The following CPAMD8 variants were observed in gnomAD, a reference collection of about 807,000 sequenced individuals.
The protein encoded by CPAMD8 is C3 and PZP like alpha-2-macroglobulin domain containing 8.
A neutral mutation model predicts 224.7 loss-of-function variants in CPAMD8; 146 were observed. That is an observed-to-expected ratio of 0.65 (90% CI 0.57 to 0.75). The LOEUF (loss-of-function observed/expected upper bound fraction) is 0.75, where lower values mean the gene tolerates loss of function less well. Ranked by LOEUF, CPAMD8 falls within the 30% of genes least tolerant of loss-of-function variation. The pLI is 0.00. For missense variants in CPAMD8, 2,301 were observed against 2,537.5 expected (o/e 0.91, Z 2.00); for synonymous variants, 966 against 1,044.6 (o/e 0.92, Z 1.45).
intron 13 of CPAMD8, among the ~76,000 whole-genome samples, chr19:16,987,174 A>T (rs2055759723): frequency 3.1e-5 from 3 of 96,810 alleles, no homozygotes; most frequent in African/African-American, 4.8e-5. Context: ...AAAAAAAAAA[A>T]AAAAAATATA....
intron 29 of CPAMD8, among the ~76,000 whole-genome samples, chr19:16,909,451 G>T (rs955930886): frequency 6.6e-6 from 1 of 152,128 alleles, no homozygotes; most frequent in Non-Finnish European, 1.5e-5. Flanking sequence ...GGCTGAGGTG[G>T]AAGAATGGCA....
intron 1 of CPAMD8, among the ~76,000 whole-genome samples, chr19:17,022,985 G>A (rs1322299602): frequency 6.6e-6 from 1 of 152,066 alleles, no homozygotes; most frequent in African/African-American, 2.4e-5. Flanking sequence ...CAAGTCACCA[G>A]CCGCAACAGT....
At chr19:16,948,082 G>T (rs1047435197) in intron 20 of CPAMD8, among the ~76,000 whole-genome samples, 2 of 152,204 alleles carry the variant, frequency 1.3e-5, no homozygotes, top group Admixed American at 1.3e-4. Flanking sequence ...CAGGGTGTGT[G>T]CATGTGCATT....
chr19:16,954,342 AAAAAAGAAAAGAAAG>A (rs1305188003), intron 19 of CPAMD8, among the ~76,000 whole-genome samples: 6 of 151,894 alleles, frequency 4.0e-5, no homozygotes, highest in African/African-American at 1.4e-4. Context: ...CAAAAAAAAA[AAAAAAGAAAAGAAAG>A]AAAAAGAGAA....
chr19:16,893,220 A>C lies in CPAMD8; in HGVS notation c.5546T>G (p.Val1849Gly), dbSNP rs1599632602. 1 of 1,588,190 alleles carries C rather than the reference A, an allele frequency of 6.3e-7. No homozygotes were observed. Among genetic ancestry groups the C allele is most frequent in the Non-Finnish European group, 8.6e-7 (1 of 1,165,766 alleles). ...TPAPQRHSGR[V>G]VGAHRPGLLS... ...AAGCCCTGGCCTGTGGGCCCCCACC[A>C]CCCGGCCACTATGTCTCTGAGGGGC... The change falls in exon 42 of 42, where the codon GTG becomes GGG. Residue 1849 changes from valine to glycine, a missense_variant. Physicochemically the swap from Val to Gly is moderately radical, Grantham distance 109 (BLOSUM62 -3). This residue lies in a region of CPAMD8 where 1,709 missense variants were observed against 1,753.2 expected (regional missense o/e 0.97). Transcript: ENST00000443236.
chr19:16,913,730 G>T, intron 29 of CPAMD8, among the ~76,000 whole-genome samples: 1 of 152,100 alleles, frequency 6.6e-6, no homozygotes, highest in East Asian at 1.9e-4. Flanking sequence ...GCATGGTGGG[G>T]GCGGTCTTAG....
At position 16,993,441 on chromosome 19, in the gene CPAMD8, G is replaced by T; in HGVS notation, c.1241C>A (p.Thr414Lys). ...CTCCAGCCACACGTGCTGGGCTGAC[G>T]TGGGGATGGAGGGGATTTCAAACCC... The part of the protein sequence containing the change: ...LVGFEIPSIP[T>K]SAQHVWLETK... Residue 414 changes from threonine to lysine, a missense_variant, in exon 12 of 42, where the codon ACG (threonine) becomes AAG (lysine). By Grantham distance (78) the Thr-to-Lys change is moderately conservative. This residue lies in a region of CPAMD8 where 301 missense variants were observed against 406.6 expected (regional missense o/e 0.74). Transcript: ENST00000443236. 1 of 1,613,700 alleles carries T rather than the reference G, an allele frequency of 6.2e-7. No homozygotes were observed. The highest frequency in any genetic ancestry group is 1.3e-5 in the African/African-American group (1 of 75,048).
At chr19:16,973,500 C>T (rs1475039911) in intron 17 of CPAMD8, among the ~76,000 whole-genome samples, 1 of 151,962 alleles carries the variant, frequency 6.6e-6, no homozygotes, top group African/African-American at 2.4e-5. Flanking sequence ...AGGCGCCCAC[C>T]ACCACACCCA....
intron 20 of CPAMD8, among the ~76,000 whole-genome samples, chr19:16,949,613 G>A (rs2054235397): frequency 6.6e-6 from 1 of 152,104 alleles, no homozygotes; most frequent in Admixed American, 6.6e-5. Context: ...GACAATGGCA[G>A]GAGCCTCTGA....
chr19:16,919,281 G>A (rs560602933), intron 27 of CPAMD8, among the ~76,000 whole-genome samples: 13 of 152,210 alleles, frequency 8.5e-5, no homozygotes, highest in East Asian at 5.8e-4. Context: ...GTAACAAAAG[G>A]CGCTATGGCA....
chr19:16,903,978 C>A, intron 32 of CPAMD8, 121 bp from the exon 33 acceptor site: 2 of 1,058,178 alleles, frequency 1.9e-6, no homozygotes, highest in Non-Finnish European at 1.4e-6. Flanking sequence ...AGAGACTGGA[C>A]CCAGTGCAGA....
At chr19:16,965,060 A>T (rs1315956062) in intron 18 of CPAMD8, among the ~76,000 whole-genome samples, 11 of 152,246 alleles carry the variant, frequency 7.2e-5, no homozygotes, top group Non-Finnish European at 1.0e-4. Flanking sequence ...GGAGATCGAG[A>T]CCATCCTGGC....
rs758569626 is a variant in CPAMD8, at chr19:16,928,092, T to C, written c.3287A>G (p.Asp1096Gly). ...GGTGAAGGCCTCGCTGTAGCTCTCG[T>C]CCACCTCCATCTTCCTCCAGATTCG... ...EFRIWRKMEVDESYSEAFTLG... is the reference protein window; with the variant it reads ...EFRIWRKMEVGESYSEAFTLG... The change falls in exon 25 of 42, where the codon GAC becomes GGC. Residue 1096 changes from aspartate to glycine, a missense_variant. This residue lies in a region of CPAMD8 where 1,709 missense variants were observed against 1,753.2 expected (regional missense o/e 0.97). Transcript: ENST00000443236. 1.8e-5 allele frequency: 29 copies of C among 1,613,886 alleles called. No homozygotes were observed. Among genetic ancestry groups the C allele is most frequent in the Non-Finnish European group, 2.5e-6 (3 of 1,180,014 alleles).
In CPAMD8 at chr19:16,898,002, G is replaced by A. The variant is rs368395088; in HGVS notation, c.4849-8C>T. The stretch of plus-strand genomic sequence containing the variant: ...CAGGCACCGGCTGGGGATCTGTGGG[G>A]CAGCGGCGGGCGCAGGCTCGACCCG... On this transcript the variant is annotated splice_region_variant and splice_polypyrimidine_tract_variant and intron_variant, in intron 37 of 41. Transcript: ENST00000443236. The surrounding 1 kb of genome is among the most constrained non-coding windows in gnomAD (Gnocchi z 4.2). The A allele has an allele frequency of 1.9e-5, 30 of 1,600,084 alleles. No individual in the cohort carries two copies. Among genetic ancestry groups the A allele is most frequent in the East Asian group, 1.8e-4 (8 of 44,354 alleles).
intron 32 of CPAMD8, 50 bp downstream of exon 32, chr19:16,904,176 A>ACGCCCCCCCCCCCCCCCCC: frequency 4.3e-6 from 4 of 937,340 alleles, no homozygotes; most frequent in East Asian, 2.6e-5. Context: ...GACTGCAGGG[A>ACGCCCCCCCCCCCCCCCCC]CCCCACCCAC....
intron 1 of CPAMD8, among the ~76,000 whole-genome samples, chr19:17,023,578 A>T (rs1027759620): frequency 3.6e-4 from 54 of 151,702 alleles, no homozygotes; most frequent in African/African-American, 1.3e-3. Context: ...ATTTTTATTT[A>T]TTTATTTATT....
intron 3 of CPAMD8, among the ~76,000 whole-genome samples, chr19:17,013,938 CCCT>C (rs2056736436): frequency 6.6e-6 from 1 of 150,968 alleles, no homozygotes; most frequent in Non-Finnish European, 1.5e-5. Context: ...CTCTCTCCCT[CCCT>C]CTCTCCCTCC....
At chr19:16,949,049 G>A (rs2054215457) in intron 20 of CPAMD8, among the ~76,000 whole-genome samples, 1 of 137,964 alleles carries the variant, frequency 7.2e-6, no homozygotes, top group African/African-American at 2.6e-5. Context: ...AGGAAGGACG[G>A]GAGGGGGGGA....
intron 27 of CPAMD8, among the ~76,000 whole-genome samples, chr19:16,916,868 G>A (rs1191891185): frequency 6.6e-6 from 1 of 152,090 alleles, no homozygotes; most frequent in African/African-American, 2.4e-5. Context: ...CCCTGGATTA[G>A]CCAGGAGACC....
Sources: allele counts gnomAD v4.1 joint callset (sites outside exome capture counted in the v4.1 genomes callset), GRCh38; gene constraint gnomAD v4.1.1; regional missense constraint gnomAD v4.1.1; non-coding constraint Gnocchi (gnomAD v3.1); transcripts MANE v1.5; gene names NCBI Gene and HGNC (gene_info 2026-07-23, HGNC 2026-07-21).